IL1RAPL1: variants seen among roughly 807,000 people sequenced by gnomAD.
IL1RAPL1 encodes interleukin-1 receptor accessory protein-like 1.
In IL1RAPL1, 3 loss-of-function variants were observed where a neutral mutation model predicts 48.4. The ratio of observed to expected loss-of-function variants is 0.06; its 90% CI spans 0.03 to 0.16. The LOEUF is 0.16. Among genes scored for constraint, IL1RAPL1 ranks in the 10% least tolerant of loss-of-function variants. The pLI, the probability that IL1RAPL1 is intolerant of heterozygous loss-of-function variation, is 1.00. For missense variants in IL1RAPL1, 349 were observed against 530.6 expected (o/e 0.66, Z 3.36); for synonymous variants, 185 against 187.7 (o/e 0.99, Z 0.12).
intron 2 of IL1RAPL1, among the ~76,000 whole-genome samples, chrX:29,198,533 A>G (rs186591068): frequency 9.0e-6 from 1 of 110,641 alleles, no homozygotes; most frequent in East Asian, 2.8e-4. Context: ...TGACCTCATG[A>G]TCCACCCACC....
At position 29,647,667 on chromosome X, in the gene IL1RAPL1, G is replaced by A. The variant is rs902537897; in HGVS notation, c.704-20763G>A. ...ATAATAGATACACTAAATGTAAAAA[G>A]CAAGGAATCAAACCATAGTACTAAA... On this transcript the variant is annotated intron_variant, in intron 5 of 10. Transcript: ENST00000378993. Among the ~76,000 whole-genome samples the A allele has an allele frequency of 4.5e-5, 5 of 111,592 alleles. No individual in the cohort carries two copies. In the East Asian group the frequency reaches 1.1e-3, roughly 25 times the overall value.
intron 5 of IL1RAPL1, among the ~76,000 whole-genome samples, chrX:29,418,757 AAAATT>A (rs1444517234): frequency 1.8e-5 from 2 of 112,180 alleles, no homozygotes; most frequent in Non-Finnish European, 1.9e-5. Context: ...TGACATTGCT[AAAATT>A]AAATTAAAAC....
intron 2 of IL1RAPL1, among the ~76,000 whole-genome samples, chrX:29,096,597 A>T (rs1015922549): frequency 1.8e-5 from 2 of 111,507 alleles, no homozygotes; most frequent in Admixed American, 1.9e-4. Context: ...TTTTAAAATA[A>T]TCTATTTAGG....
intron 1 of IL1RAPL1, among the ~76,000 whole-genome samples, chrX:28,701,995 A>G (rs1441899358): frequency 8.9e-6 from 1 of 111,751 alleles, no homozygotes; most frequent in East Asian, 2.8e-4. Context: ...TTCTGCCTAT[A>G]TTATAGGAGT....
chrX:29,820,852 A>C (rs1930596440), intron 6 of IL1RAPL1, among the ~76,000 whole-genome samples: 1 of 112,044 alleles, frequency 8.9e-6, no homozygotes, highest in Non-Finnish European at 1.9e-5. Flanking sequence ...CCACTGATAC[A>C]CTAGTGGCAT....
At chrX:28,690,308 C>T (rs1935163935) in intron 1 of IL1RAPL1, among the ~76,000 whole-genome samples, 1 of 111,687 alleles carries the variant, frequency 9.0e-6, no homozygotes, top group Non-Finnish European at 1.9e-5. Flanking sequence ...ATAACCAACT[C>T]CTAGGTGGCT....
At chrX:28,840,735 A>G (rs1454264207) in intron 2 of IL1RAPL1, among the ~76,000 whole-genome samples, 1 of 110,738 alleles carries the variant, frequency 9.0e-6, no homozygotes, top group Non-Finnish European at 1.9e-5. Context: ...ATGTCTTAAA[A>G]GACTTAAGCT....
chrX:28,803,695 C>T (rs770704801), intron 2 of IL1RAPL1, among the ~76,000 whole-genome samples: 4 of 111,526 alleles, frequency 3.6e-5, no homozygotes, highest in Non-Finnish European at 7.5e-5. Context: ...TACAACTGTA[C>T]TTGATTACGT....
chrX:28,948,868 A>C (rs750910785), intron 2 of IL1RAPL1, among the ~76,000 whole-genome samples: 2 of 111,343 alleles, frequency 1.8e-5, no homozygotes, highest in African/African-American at 3.3e-5. Context: ...TAAGCACAGT[A>C]AGACATTAAC....
At chrX:28,761,164 G>A (rs1029317784) in intron 1 of IL1RAPL1, among the ~76,000 whole-genome samples, 2 of 110,502 alleles carry the variant, frequency 1.8e-5, no homozygotes, top group African/African-American at 6.6e-5. Context: ...ACTGTTGGTG[G>A]GAGTGTAAAT....
chrX:29,621,547 A>T (rs1367824125), intron 5 of IL1RAPL1, among the ~76,000 whole-genome samples: 2 of 111,360 alleles, frequency 1.8e-5, no homozygotes, highest in African/African-American at 6.5e-5. Context: ...AAGTGAAAAA[A>T]GAAAGTTCTC....
At chrX:29,892,644 C>G (rs1932294237) in intron 6 of IL1RAPL1, among the ~76,000 whole-genome samples, 1 of 112,068 alleles carries the variant, frequency 8.9e-6, no homozygotes. Flanking sequence ...TGGACTGGAT[C>G]AAGTCTAAAT....
chrX:29,121,059 C>T (rs767941410), intron 2 of IL1RAPL1, among the ~76,000 whole-genome samples: 4 of 111,758 alleles, frequency 3.6e-5, no homozygotes, highest in African/African-American at 1.3e-4. Context: ...TAAGAAGTCT[C>T]AGCAAGTAGG....
At chrX:29,822,666 A>G (rs1436616512) in intron 6 of IL1RAPL1, among the ~76,000 whole-genome samples, 3 of 111,734 alleles carry the variant, frequency 2.7e-5, no homozygotes, top group Admixed American at 9.6e-5. Context: ...GGATGCTGAC[A>G]TGGTGCCAGA....
In IL1RAPL1 at chrX:29,861,784, T is replaced by A. The variant is rs781242049; in HGVS notation, c.779-55680T>A. Among the ~76,000 whole-genome samples, 24 of 111,479 alleles carry A rather than the reference T, an allele frequency of 2.2e-4. No homozygotes were observed. The South Asian group carries it at 7.1e-3, about 33-fold the overall frequency. On this transcript the variant is annotated intron_variant, in intron 6 of 10. Transcript: ENST00000378993. Reference sequence around the variant, plus strand: ...CCAAACCCTAAATTTAAAAAAAAAATTAGTGAGAAAAAATAAAATTTCCCT... The same window carrying A: ...CCAAACCCTAAATTTAAAAAAAAAAATAGTGAGAAAAAATAAAATTTCCCT...
intron 6 of IL1RAPL1, among the ~76,000 whole-genome samples, chrX:29,689,147 G>T (rs1240580165): frequency 1.8e-5 from 2 of 111,649 alleles, no homozygotes; most frequent in Non-Finnish European, 3.8e-5. Context: ...AATGGAAAAT[G>T]GTAGATTGTT....
chrX:28,768,853 G>A (rs187823414), intron 1 of IL1RAPL1, among the ~76,000 whole-genome samples: 1 of 76,857 alleles, frequency 1.3e-5, no homozygotes, highest in Non-Finnish European at 2.5e-5. Context: ...TATATATATG[G>A]CAGTCTAACT....
At chrX:29,222,367 T>C (rs1930999443) in intron 2 of IL1RAPL1, among the ~76,000 whole-genome samples, 1 of 111,764 alleles carries the variant, frequency 8.9e-6, no homozygotes, top group African/African-American at 3.3e-5. Context: ...CTAGGATTCT[T>C]GTTAGGATTA....
intron 5 of IL1RAPL1, among the ~76,000 whole-genome samples, chrX:29,463,020 A>G (rs774787392): frequency 1.7e-4 from 19 of 112,105 alleles, no homozygotes; most frequent in African/African-American, 4.9e-4. Context: ...GGAAGTGGAT[A>G]TGCTTCATTT....
Sources: gnomAD v4.1 joint callset for allele counts (sites outside exome capture counted in the v4.1 genomes callset) on GRCh38, gnomAD v4.1.1 for gene constraint, MANE v1.5 for transcripts, NCBI Gene and HGNC (gene_info 2026-07-23, HGNC 2026-07-21) for gene names.